The following KDM4C variants were observed in gnomAD, a reference collection of about 807,000 sequenced individuals.
The protein encoded by KDM4C is lysine-specific demethylase 4C.
In KDM4C, 81 loss-of-function variants were observed where a neutral mutation model predicts 129.3. The observed-to-expected ratio is 0.63, with a 90% CI of 0.52 to 0.75. The LOEUF (loss-of-function observed/expected upper bound fraction) is 0.75. Ranked by LOEUF, KDM4C falls within the 30% of genes least tolerant of loss-of-function variation. KDM4C has a pLI of 0.00. For missense variants in KDM4C, 1,457 were observed against 1,304.0 expected, an observed-to-expected ratio of 1.12 and a Z score of -1.81; for synonymous variants, 573 against 456.1, an observed-to-expected ratio of 1.26 and a Z score of -3.26.
intron 8 of KDM4C, among the ~76,000 whole-genome samples, chr9:6,939,183 T>C (rs986581691): frequency 1.5e-4 from 23 of 151,786 alleles, no homozygotes; most frequent in Admixed American, 1.3e-3. Context: ...CTGCTCCCCA[T>C]CGCTGGCATT....
At chr9:6,871,063 C>G (rs924298956) in intron 5 of KDM4C, among the ~76,000 whole-genome samples, 1 of 152,172 alleles carries the variant, frequency 6.6e-6, no homozygotes, top group Non-Finnish European at 1.5e-5. Context: ...CCATTTGTTC[C>G]TAAACACACA....
chr9:7,052,900 A>T lies in KDM4C; in HGVS notation c.2424+3700A>T, dbSNP rs1403128214. Among the ~76,000 whole-genome samples the T allele has an allele frequency of 5.4e-3, 54 of 9,980 alleles. 1 individual carries two copies. The highest frequency in any genetic ancestry group is 0.022 in the African/African-American group (40 of 1,850). 6.5% of individuals were successfully genotyped at this position (9,980 alleles called of 152,430 possible). ...GAGAGAGAGAGAGAGAGAGAGAGAG[A>T]GCGAGCGAGTGCCCAAGGGATGACA... is the stretch of plus-strand genomic sequence containing the variant. On this transcript the variant is annotated intron_variant, in intron 17 of 21. Transcript: ENST00000381309.
chr9:7,089,322 G>GC (rs1835514809), intron 17 of KDM4C, among the ~76,000 whole-genome samples: 1 of 152,106 alleles, frequency 6.6e-6, no homozygotes, highest in African/African-American at 2.4e-5. Context: ...TATATACAGA[G>GC]CACCATAGTG....
Position 7,141,949 on chromosome 9 carries a change from C to T in KDM4C, c.2781+13713C>T, listed in dbSNP as rs574195382. Among the ~76,000 whole-genome samples, 17 of 152,218 alleles carry T rather than the reference C, an allele frequency of 1.1e-4. No homozygotes were observed. In the South Asian group the frequency reaches 3.1e-3, roughly 28 times the overall value. ...GGATGTGTCATCACACACACATAAA[C>T]CCCATTAACTAACTTTCACCCATTT... is the stretch of plus-strand genomic sequence containing the variant. On this transcript the variant is annotated intron_variant, in intron 19 of 21. Transcript: ENST00000381309.
At chr9:6,807,771 A>G (rs1379762718) in intron 3 of KDM4C, among the ~76,000 whole-genome samples, 2 of 121,878 alleles carry the variant, frequency 1.6e-5, no homozygotes, top group South Asian at 3.1e-4. Flanking sequence ...CCCGGCAGCC[A>G]CCCCGTCTGG....
At chr9:7,014,631 A>G (rs1823318285) in intron 14 of KDM4C, among the ~76,000 whole-genome samples, 1 of 152,154 alleles carries the variant, frequency 6.6e-6, no homozygotes, top group African/African-American at 2.4e-5. Context: ...ATACAACTCT[A>G]TTTTAAGGCA....
chr9:6,820,311 A>G (rs1832800350), intron 4 of KDM4C, among the ~76,000 whole-genome samples: 1 of 152,202 alleles, frequency 6.6e-6, no homozygotes, highest in Non-Finnish European at 1.5e-5. Context: ...AGCTAGGTAA[A>G]TTGAAGGGTG....
At chr9:6,947,730 A>G (rs564837036) in intron 8 of KDM4C, among the ~76,000 whole-genome samples, 3 of 152,142 alleles carry the variant, frequency 2.0e-5, no homozygotes, top group African/African-American at 4.8e-5. Flanking sequence ...ATTTTCTAAT[A>G]TGGCTGTGCT....
intron 8 of KDM4C, among the ~76,000 whole-genome samples, chr9:6,972,110 G>A (rs952461960): frequency 4.6e-5 from 7 of 152,026 alleles, no homozygotes; most frequent in Admixed American, 3.3e-4. Flanking sequence ...CAATGGGTAC[G>A]AAATAAAACA....
chr9:7,087,271 A>G (rs1304315490), intron 17 of KDM4C, among the ~76,000 whole-genome samples: 1 of 134,216 alleles, frequency 7.5e-6, no homozygotes, highest in Non-Finnish European at 1.6e-5. Context: ...TTTAATATGA[A>G]GGCTTTTTTT....
intron 17 of KDM4C, among the ~76,000 whole-genome samples, chr9:7,052,563 A>G (rs934067278): frequency 1.1e-4 from 16 of 152,340 alleles, no homozygotes; most frequent in Middle Eastern, 3.4e-3. Flanking sequence ...AAAGCAAGGC[A>G]TTACTTTACT....
At chr9:6,796,014 T>G (rs1827678945) in intron 2 of KDM4C, among the ~76,000 whole-genome samples, 1 of 151,826 alleles carries the variant, frequency 6.6e-6, no homozygotes, top group Non-Finnish European at 1.5e-5. Context: ...TTAAGTTGAG[T>G]GAAAATTAAT....
rs1202546905 is a variant in KDM4C at position 7,011,845 on chromosome 9, G to A, written c.1934G>A (p.Cys645Tyr). The change falls in exon 13 of 22, where the codon TGT becomes TAT. Residue 645 changes from cysteine (C) to tyrosine (Y), a missense_variant. Transcript: ENST00000381309. ...NATVARMKPH[C>Y]AICTLLMPYH... is the part of the protein sequence containing the mutation. ...ACAGTGGCCAGGATGAAGCCACACT[G>A]TGCCATCTGCACTCTGCTCATGCCG... 1 of 1,613,882 alleles carries A rather than the reference G, an allele frequency of 6.2e-7. No individual in the cohort carries two copies. Among genetic ancestry groups the A allele is most frequent in the African/African-American group, 1.3e-5 (1 of 74,926 alleles).
intron 8 of KDM4C, among the ~76,000 whole-genome samples, chr9:6,972,911 G>T (rs909771240): frequency 3.9e-5 from 6 of 152,092 alleles, no homozygotes; most frequent in Non-Finnish European, 8.8e-5. Context: ...TCTATCTTCT[G>T]TTTGCTTTTT....
chr9:6,855,766 T>TG (rs559015356), intron 5 of KDM4C, among the ~76,000 whole-genome samples: 16 of 152,222 alleles, frequency 1.1e-4, no homozygotes, highest in Non-Finnish European at 2.4e-4. Context: ...CAAGTCTTAC[T>TG]TTTTAAAAGA....
intron 4 of KDM4C, among the ~76,000 whole-genome samples, chr9:6,841,451 A>G (rs1416801122): frequency 6.6e-6 from 1 of 152,304 alleles, no homozygotes; most frequent in East Asian, 1.9e-4. Context: ...ATTTTGGGGA[A>G]CAAGGTTCAT....
chr9:7,109,294 G>A (rs1838047791), intron 18 of KDM4C, among the ~76,000 whole-genome samples: 1 of 152,178 alleles, frequency 6.6e-6, no homozygotes, highest in African/African-American at 2.4e-5. Context: ...ACATGAAGAT[G>A]CCCTAGTTCT....
chr9:7,009,296 G>C (rs1211705699), intron 12 of KDM4C, among the ~76,000 whole-genome samples: 30 of 152,184 alleles, frequency 2.0e-4, no homozygotes, highest in Admixed American at 2.0e-3. Context: ...ACCCAAGTCT[G>C]AATGACTGTA....
intron 8 of KDM4C, among the ~76,000 whole-genome samples, chr9:6,938,596 C>G (rs1472089413): frequency 6.6e-6 from 1 of 152,182 alleles, no homozygotes; most frequent in Non-Finnish European, 1.5e-5. Context: ...AGCCAGCACT[C>G]TTTTCATTCT....
Sources: allele counts gnomAD v4.1 joint callset (sites outside exome capture counted in the v4.1 genomes callset), GRCh38; gene constraint gnomAD v4.1.1; transcripts MANE v1.5; gene names NCBI Gene and HGNC (gene_info 2026-07-23, HGNC 2026-07-21).